ITIH4: variants seen among roughly 807,000 people sequenced by gnomAD.
The protein encoded by ITIH4 is inter-alpha-trypsin inhibitor heavy chain 4, also known as inter-alpha-trypsin inhibitor heavy chain H4.
ITIH4 carries 79 observed loss-of-function variants against 111.8 expected under a neutral mutation model. The ratio of observed to expected loss-of-function variants is 0.71; its 90% CI spans 0.59 to 0.85. The LOEUF (loss-of-function observed/expected upper bound fraction) is 0.85, where lower values mean the gene tolerates loss of function less well. Ranked by LOEUF, ITIH4 falls within the 40% of genes least tolerant of loss-of-function variation. ITIH4 has a pLI of 0.00. For synonymous variants in ITIH4, 472 were observed against 468.3 expected (o/e 1.01, Z -0.10); for missense variants, 1,065 against 1,195.8 (o/e 0.89, Z 1.61).
intron 23 of ITIH4, 108 bp downstream of exon 23, chr3:52,813,867 C>CT: frequency 1.2e-6 from 1 of 848,552 alleles, no homozygotes; most frequent in Non-Finnish European, 1.9e-6. Flanking sequence ...CGGACTGTGT[C>CT]TAGTTCCTGG....
At position 52,818,271 on chromosome 3, in the gene ITIH4, G is replaced by A. The variant is rs765630857; in HGVS notation, c.2165C>T (p.Thr722Ile). 3.2e-6 allele frequency: 5 copies of A among 1,579,958 alleles called. No individual in the cohort carries two copies. Among genetic ancestry groups the A allele is most frequent in the Non-Finnish European group, 4.3e-6 (5 of 1,164,328 alleles). ...TGGGAACTTACCTGGGGTTTGGGTTGTCATGGTTGTTTCTAAAAGAAGAAA... is the reference window on the plus strand; with the variant it reads ...TGGGAACTTACCTGGGGTTTGGGTTATCATGGTTGTTTCTAAAAGAAGAAA... Reference protein sequence around the residue: ...MNMKIEETTMTTQTPAPIQAP... With the variant: ...MNMKIEETTMITQTPAPIQAP... Residue 722 changes from threonine (T) to isoleucine (I), a missense_variant, in exon 19 of 24, where the codon ACA (threonine) becomes ATA (isoleucine). Coordinates refer to ENST00000266041, the MANE Select transcript of ITIH4 (RefSeq NM_002218.5).
At chr3:52,830,012 C>G (rs1700542673) in intron 1 of ITIH4, 1 of 295,064 alleles carries the variant, frequency 3.4e-6, no homozygotes, top group Non-Finnish European at 6.5e-6. Flanking sequence ...ACCAACTCTG[C>G]TCGGCTGCAT....
At position 52,824,601 on chromosome 3, in the gene ITIH4, G is replaced by C. The variant is rs747733516; in HGVS notation, c.877-36C>G. The C allele has an allele frequency of 3.8e-6, 6 of 1,585,672 alleles. No homozygotes were observed. Among genetic ancestry groups the C allele is most frequent in the South Asian group, 2.2e-5 (2 of 89,066 alleles). On this transcript the variant is annotated intron_variant, in intron 7 of 23. Transcript: ENST00000266041. The surrounding 1 kb of genome is among the most constrained non-coding windows in gnomAD (Gnocchi z 4.3). ...AGAGGAAACATAGGTGCTTCAGAAG[G>C]GCTCCCTGAGGGCTCGTGTGCCCTA... is the stretch of plus-strand genomic sequence containing the variant.
At position 52,824,615 on chromosome 3, in the gene ITIH4, T is replaced by A; in HGVS notation, c.877-50A>T. 1 of 1,558,898 alleles carries A rather than the reference T, an allele frequency of 6.4e-7. No homozygotes were observed. Among genetic ancestry groups the A allele is most frequent in the Non-Finnish European group, 8.7e-7 (1 of 1,147,442 alleles). Reference sequence around the variant, plus strand: ...TGCTTCAGAAGGGCTCCCTGAGGGCTCGTGTGCCCTAGGGCTGGCATCCTT... The same window carrying A: ...TGCTTCAGAAGGGCTCCCTGAGGGCACGTGTGCCCTAGGGCTGGCATCCTT... On this transcript the variant is annotated intron_variant, in intron 7 of 23. Transcript: ENST00000266041. The surrounding 1 kb of genome is among the most constrained non-coding windows in gnomAD (Gnocchi z 4.3).
Position 52,824,577 on chromosome 3 carries a change from G to A in ITIH4, c.877-12C>T. ...AGGGCTTCCCGGGTCTGGTCAGGGA[G>A]AGGAAACATAGGTGCTTCAGAAGGG... On this transcript the variant is annotated splice_polypyrimidine_tract_variant and intron_variant, in intron 7 of 23. Transcript: ENST00000266041. The surrounding 1 kb of genome is among the most constrained non-coding windows in gnomAD (Gnocchi z 4.3). The A allele has an allele frequency of 3.1e-6, 5 of 1,605,086 alleles. No individual in the cohort carries two copies. The highest frequency in any genetic ancestry group is 4.2e-6 in the Non-Finnish European group (5 of 1,176,470).
At position 52,829,361 on chromosome 3, in the gene ITIH4, ACT is replaced by A. The variant is rs1016716830; in HGVS notation, c.91-84_91-83del. 26 of 1,458,558 alleles carry A rather than the reference ACT, an allele frequency of 1.8e-5. No individual in the cohort carries two copies. In the African/African-American group the frequency reaches 2.1e-4, roughly 12 times the overall value. 90.4% of individuals were successfully genotyped at this position (1,458,558 alleles called of 1,614,324 possible). A position where few individuals can be genotyped will look rare whatever the true frequency, so the allele number is the denominator to read the frequency against. ...TGACGCTCTTCAAGAGTTGGCCCTG[ACT>A]CTGGCTCTAGACCAAACCCTGGCTC... On this transcript the variant is annotated intron_variant, in intron 1 of 23. Transcript: ENST00000266041.
At chr3:52,823,235 T>C (rs1290254033) in intron 11 of ITIH4, 4 of 264,120 alleles carry the variant, frequency 1.5e-5, no homozygotes, top group African/African-American at 6.7e-5. Context: ...TCTGCTCATT[T>C]GTGAAATAGG....
At chr3:52,821,205 T>C in intron 11 of ITIH4, 75 bp from the exon 12 acceptor site, 2 of 1,501,698 alleles carry the variant, frequency 1.3e-6, no homozygotes, top group Non-Finnish European at 1.8e-6. Context: ...TTCTGAGCTC[T>C]TCCATGATTG....
Position 52,820,664 on chromosome 3 carries a change from G to A in ITIH4, c.1801C>T (p.Gln601Ter). 1 of 1,613,582 alleles carries A rather than the reference G, an allele frequency of 6.2e-7. No individual in the cohort carries two copies. The highest frequency in any genetic ancestry group is 8.5e-7 in the Non-Finnish European group (1 of 1,179,714). Reference sequence around the variant, plus strand: ...ATGGGCTTCTCAGCAACTTGAGACTGCTCTTGGTCATCGGGTTTGGTGACT... The same window carrying A: ...ATGGGCTTCTCAGCAACTTGAGACTACTCTTGGTCATCGGGTTTGGTGACT... ...MVVTKPDDQE[Q>*]SQVAEKPMEG... The change falls in exon 13 of 24, where the codon CAG becomes TAG. Residue 601 changes from glutamine (Q) to a stop codon, truncating the protein, a stop_gained. Coordinates refer to ENST00000266041, the MANE Select transcript of ITIH4 (RefSeq NM_002218.5). LOFTEE classifies it high-confidence loss of function.
In ITIH4 at chr3:52,821,254, C is replaced by T. The variant is rs1040738350; in HGVS notation, c.1540-124G>A. On this transcript the variant is annotated intron_variant, in intron 11 of 23. Transcript: ENST00000266041. ...TCCCACACACTGACTGTGGGGACTGCATTTCCTTTGAGTGGGGGTAAGGAG... is the reference window on the plus strand; with the variant it reads ...TCCCACACACTGACTGTGGGGACTGTATTTCCTTTGAGTGGGGGTAAGGAG... 12 of 1,113,104 alleles carry T rather than the reference C, an allele frequency of 1.1e-5. No homozygotes were observed. In the East Asian group the frequency reaches 2.7e-4, roughly 26 times the overall value. 69.0% of individuals were successfully genotyped at this position (1,113,104 alleles called of 1,614,324 possible).
At chr3:52,819,544 C>A in intron 16 of ITIH4, 26 bp from the exon 17 acceptor site, 2 of 1,613,814 alleles carry the variant, frequency 1.2e-6, no homozygotes, top group East Asian at 2.2e-5. Context: ...CAGATGCAGT[C>A]TTCTCTCAGG....
chr3:52,830,434 G>T, intron 1 of ITIH4, 119 bp downstream of exon 1: 2 of 967,142 alleles, frequency 2.1e-6, no homozygotes, highest in Non-Finnish European at 3.4e-6. Context: ...CCATTTTTTT[G>T]CACACACAGG....
At position 52,829,221 on chromosome 3, in the gene ITIH4, T is replaced by C; in HGVS notation, c.149A>G (p.His50Arg). ...VDSRVSSRFA[H>R]TVVTSRVVNR... is the part of the protein sequence containing the mutation. ...GACCACTCGGCTGGTGACGACCGTGTGGGCAAATCGGGATGAGACCCTGGA... is the reference window on the plus strand; with the variant it reads ...GACCACTCGGCTGGTGACGACCGTGCGGGCAAATCGGGATGAGACCCTGGA... The change falls in exon 2 of 24, where the codon CAC becomes CGC. Residue 50 changes from histidine to arginine, a missense_variant. Coordinates refer to ENST00000266041, the MANE Select transcript of ITIH4 (RefSeq NM_002218.5). 1 of 1,613,712 alleles carries C rather than the reference T, an allele frequency of 6.2e-7. No homozygotes were observed. The highest frequency in any genetic ancestry group is 1.1e-5 in the South Asian group (1 of 91,074).
Position 52,818,173 on chromosome 3 carries a change from G to T in ITIH4, c.2180-5C>A. The T allele has an allele frequency of 6.2e-7, 1 of 1,607,972 alleles. No individual in the cohort carries two copies. The highest frequency in any genetic ancestry group is 8.5e-7 in the Non-Finnish European group (1 of 1,175,908). On this transcript the variant is annotated splice_polypyrimidine_tract_variant and splice_region_variant and intron_variant, in intron 19 of 23. Transcript: ENST00000266041. ...CAGAGGGAGCCTGTATGGGGGCTGGGACAGCCGGGGCACGGCTCCTGGAGC... is the reference window on the plus strand; with the variant it reads ...CAGAGGGAGCCTGTATGGGGGCTGGTACAGCCGGGGCACGGCTCCTGGAGC...
At chr3:52,818,322 C>T (rs755950434) in intron 18 of ITIH4, 39 bp from the exon 19 acceptor site, 11 of 1,574,868 alleles carry the variant, frequency 7.0e-6, no homozygotes, top group Non-Finnish European at 9.5e-6. Context: ...CAGCCCCTTC[C>T]TGAGGAGTGG....
Position 52,826,829 on chromosome 3 carries a change from G to A in ITIH4, c.481C>T (p.Leu161=), listed in dbSNP as rs1221684804. The A allele has an allele frequency of 6.2e-7, 1 of 1,613,862 alleles. No individual in the cohort carries two copies. Among genetic ancestry groups the A allele is most frequent in the South Asian group, 1.1e-5 (1 of 91,076 alleles). Residue 161 remains leucine, a synonymous_variant, in exon 4 of 24, where the codon CTG becomes TTG. Coordinates refer to ENST00000266041, the MANE Select transcript of ITIH4 (RefSeq NM_002218.5). The stretch of plus-strand genomic sequence containing the variant: ...ACCAGCTGCTGGGGCCGCACTTTCA[G>A]CAGCAGCTCGTACACCCCCAAACGC... The part of the protein sequence containing the change: ...KRRLGVYELL[L]KVRPQQLVKH...
chr3:52,824,446 C>A lies in ITIH4; in HGVS notation c.996G>T (p.Glu332Asp), dbSNP rs771665234. Residue 332 changes from glutamate (E) to aspartate (D), a missense_variant, in exon 8 of 24, where the codon GAG becomes GAT. By Grantham distance (45) the Glu-to-Asp change is conservative. Coordinates refer to ENST00000266041, the MANE Select transcript of ITIH4 (RefSeq NM_002218.5). The surrounding 1 kb of genome is among the most constrained non-coding windows in gnomAD (Gnocchi z 4.3). ...CAAAGCTCCTGGCCTTGTTCACGTT[C>A]TCGGCTGAGGCTGGCACCAGTGATG... ...WRPSLVPASA[E>D]NVNKARSFAA... 28 of 1,614,198 alleles carry A rather than the reference C, an allele frequency of 1.7e-5. No homozygotes were observed. The highest frequency in any genetic ancestry group is 2.2e-5 in the Non-Finnish European group (26 of 1,180,036).
In ITIH4 at chr3:52,829,214, G is replaced by A. The variant is rs773438783; in HGVS notation, c.156C>T (p.Val52=). Residue 52 remains valine, a synonymous_variant, in exon 2 of 24, where the codon GTC becomes GTT. Transcript: ENST00000266041. The part of the protein sequence containing the change: ...SRVSSRFAHT[V]VTSRVVNRAN... Reference sequence around the variant, plus strand: ...CCCTATTGACCACTCGGCTGGTGACGACCGTGTGGGCAAATCGGGATGAGA... The same window carrying A: ...CCCTATTGACCACTCGGCTGGTGACAACCGTGTGGGCAAATCGGGATGAGA... 1.4e-5 allele frequency: 23 copies of A among 1,613,796 alleles called. No individual in the cohort carries two copies. In the South Asian group the frequency reaches 1.4e-4, roughly 10 times the overall value.
chr3:52,830,079 G>C (rs1430912594), intron 1 of ITIH4: 1 of 310,660 alleles, frequency 3.2e-6, no homozygotes, highest in East Asian at 9.0e-5. Context: ...TTATGTGCTT[G>C]GGTATTTGCT....
Sources: allele counts gnomAD v4.1 joint callset, GRCh38; gene constraint gnomAD v4.1.1; non-coding constraint Gnocchi (gnomAD v3.1); transcripts MANE v1.5; gene names NCBI Gene and HGNC (gene_info 2026-07-23, HGNC 2026-07-21).